TRPV3: variants seen among roughly 807,000 people sequenced by gnomAD.
The protein encoded by TRPV3 is transient receptor potential cation channel subfamily V member 3.
A neutral mutation model predicts 87.1 loss-of-function variants in TRPV3; 88 were observed. The ratio of observed to expected loss-of-function variants is 1.01; its 90% CI spans 0.85 to 1.21. TRPV3 has a LOEUF of 1.21. Among genes scored for constraint, TRPV3 ranks in the 50% most tolerant of loss-of-function variants. The pLI is 0.00. For missense variants in TRPV3, 1,054 were observed against 1,030.1 expected, an observed-to-expected ratio of 1.02 and a Z score of -0.32; for synonymous variants, 438 against 423.3, an observed-to-expected ratio of 1.03 and a Z score of -0.43.
intron 2 of TRPV3, chr17:3,546,677 C>T (rs1368995510): frequency 2.2e-6 from 1 of 455,638 alleles, no homozygotes; most frequent in African/African-American, 2.0e-5. Flanking sequence ...TAGCAAAGTC[C>T]AGATTCAAAG....
At chr17:3,544,544 G>A in intron 4 of TRPV3, 35 bp downstream of exon 4, 1 of 1,379,916 alleles carries the variant, frequency 7.2e-7, no homozygotes, top group Non-Finnish European at 1.0e-6. Flanking sequence ...CAGCCTGGGT[G>A]GGCACAGTGG....
Position 3,554,843 on chromosome 17 carries a change from G to T in TRPV3, c.8C>A (p.Ala3Asp). 1 of 1,609,074 alleles carries T rather than the reference G, an allele frequency of 6.2e-7. No individual in the cohort carries two copies. The change falls in exon 2 of 18, where the codon GCC becomes GAC. Residue 3 changes from alanine to aspartate, a missense_variant. Transcript: ENST00000576742. ...GAGAGGCACCATCTCCTTGGGGTGGGCTTTCATGGCTGGAATACAACCACA... is the reference window on the plus strand; with the variant it reads ...GAGAGGCACCATCTCCTTGGGGTGGTCTTTCATGGCTGGAATACAACCACA... MKAHPKEMVPLMG... is the reference protein window; with the variant it reads MKDHPKEMVPLMG...
chr17:3,543,141 C>T (rs905010383), intron 5 of TRPV3, among the ~76,000 whole-genome samples: 1 of 152,050 alleles, frequency 6.6e-6, no homozygotes, highest in Non-Finnish European at 1.5e-5. Context: ...GTCCCTCACT[C>T]CCCAGGTCCT....
Position 3,513,923 on chromosome 17 carries a change from C to G in TRPV3, c.2367G>C (p.Ser789=). ...CCAGCTCTGGGTTCCGCTTCTACAC[C>G]GAGGTTTCCGGGAATTCCTCGACTT... ...FEEVEEFPET[S]V Residue 789 remains serine, a synonymous_variant, in exon 18 of 18, where the codon TCG becomes TCC. Transcript: ENST00000576742. 6.2e-7 allele frequency: 1 copy of G among 1,614,026 alleles called. No homozygotes were observed. Among genetic ancestry groups the G allele is most frequent in the Non-Finnish European group, 8.5e-7 (1 of 1,179,912 alleles).
Position 3,544,510 on chromosome 17 carries a change from C to T in TRPV3, c.311+69G>A, listed in dbSNP as rs28571757. 3,074 of 1,003,652 alleles carry T rather than the reference C, an allele frequency of 3.1e-3. 68 individuals are homozygous for T. The African/African-American group carries it at 0.044, about 14-fold the overall frequency. The allele number at this position is 1,003,652 out of a possible 1,614,324, so 62.2% of individuals were successfully genotyped here. On this transcript the variant is annotated intron_variant, in intron 4 of 17. Coordinates refer to ENST00000576742, the MANE Select transcript of TRPV3 (RefSeq NM_145068.4). ...ATTCTTTCTCCTTCCTGCAGGGCCC[C>T]GGATCCTGTCTCTCTGGCACCCCCA...
chr17:3,542,310 A>G (rs569473776), intron 6 of TRPV3, among the ~76,000 whole-genome samples: 1 of 152,338 alleles, frequency 6.6e-6, no homozygotes, highest in East Asian at 1.9e-4. Context: ...CATGCCAAAA[A>G]CAATGCCTGG....
At position 3,554,805 on chromosome 17, in the gene TRPV3, C is replaced by T. The variant is rs2074611935; in HGVS notation, c.46G>A (p.Val16Ile). ...GCAGGGTTCCCACTGGGGGCAGCAA[C>T]TCTCTTGCCCATGAGAGGCACCATC... The part of the protein sequence containing the change: ...KEMVPLMGKR[V>I]AAPSGNPAIL... Residue 16 changes from valine (V) to isoleucine (I), a missense_variant, in exon 2 of 18, where the codon GTT becomes ATT. Physicochemically the swap from Val to Ile is conservative, Grantham distance 29. Transcript: ENST00000576742. 1.2e-6 allele frequency: 2 copies of T among 1,612,718 alleles called. No individual in the cohort carries two copies. The highest frequency in any genetic ancestry group is 1.7e-6 in the Non-Finnish European group (2 of 1,179,584).
chr17:3,529,007 A>T lies in TRPV3; in HGVS notation c.1243-12T>A, dbSNP rs1489535415. 4 of 1,614,084 alleles carry T rather than the reference A, an allele frequency of 2.5e-6. No individual in the cohort carries two copies. In the East Asian group the frequency reaches 8.9e-5, roughly 36 times the overall value. ...ATCTCATGCCGGTTCTAGGGGTAGA[A>T]TGCCACCAGTCACCATGGAGATGAG... is the stretch of plus-strand genomic sequence containing the variant. On this transcript the variant is annotated splice_polypyrimidine_tract_variant and intron_variant, in intron 9 of 17. Coordinates refer to ENST00000576742, the MANE Select transcript of TRPV3 (RefSeq NM_145068.4).
chr17:3,524,319 A>G lies in TRPV3; in HGVS notation c.1622T>C (p.Leu541Ser), dbSNP rs764913664. The change falls in exon 13 of 18, where the codon TTG becomes TCG. Residue 541 changes from leucine to serine, a missense_variant. Coordinates refer to ENST00000576742, the MANE Select transcript of TRPV3 (RefSeq NM_145068.4). ...VLVILSVFLY[L>S]FAYKEYLACL... is the part of the protein sequence containing the mutation. ...GGCGAGGTACTCTTTGTAGGCAAACAAGTACAAGAAGACAGACAGTATCAC... is the reference window on the plus strand; with the variant it reads ...GGCGAGGTACTCTTTGTAGGCAAACGAGTACAAGAAGACAGACAGTATCAC... 26 of 1,614,130 alleles carry G rather than the reference A, an allele frequency of 1.6e-5. No homozygotes were observed. The Admixed American group carries it at 4.3e-4, about 27-fold the overall frequency.
intron 12 of TRPV3, among the ~76,000 whole-genome samples, chr17:3,525,059 A>T (rs12940229): frequency 2.0e-5 from 3 of 152,176 alleles, no homozygotes; most frequent in Admixed American, 6.5e-5. Flanking sequence ...TTGCTCTGTC[A>T]CCTAGGCTGG....
rs184165766 is a variant in TRPV3 at position 3,552,525 on chromosome 17, G to A, written c.119+2207C>T. 6.1e-3 allele frequency: 924 copies of A among 152,382 alleles called. 8 individuals are homozygous for A. The highest frequency in any genetic ancestry group is 8.1e-3 in the Non-Finnish European group (550 of 68,102). The allele number at this position is 152,382 out of a possible 1,614,324, so 9.4% of individuals were successfully genotyped here. ...TTTATTCTTTTCTGTTTCTCTCTGG[G>A]CCCAAGTCCCCGACTCAGCTCTGAG... On this transcript the variant is annotated intron_variant, in intron 2 of 17. Coordinates refer to ENST00000576742, the MANE Select transcript of TRPV3 (RefSeq NM_145068.4).
In TRPV3 at chr17:3,530,144, C is replaced by T. The variant is rs1269168032; in HGVS notation, c.1125G>A (p.Arg375=). The T allele has an allele frequency of 3.1e-6, 5 of 1,613,972 alleles. No individual in the cohort carries two copies. The African/African-American group carries it at 6.7e-5, about 22-fold the overall frequency. ...IKEKRLRSLS[R]KFTDWAYGPV... ...GTCCGTACGCCCAGTCGGTGAACTT[C>T]CTGGACAGGCTCCGGAGCCGCTTCT... The change falls in exon 9 of 18, where the codon AGG becomes AGA. Residue 375 remains arginine (R), a synonymous_variant. Transcript: ENST00000576742. This position sits in a 1 kb window ranked among gnomAD's most constrained non-coding sequence, Gnocchi z 4.0.
chr17:3,515,430 G>A lies in TRPV3; in HGVS notation c.2199-758C>T, dbSNP rs545178279. Among the ~76,000 whole-genome samples, 12 of 152,248 alleles carry A rather than the reference G, an allele frequency of 7.9e-5. No individual in the cohort carries two copies. In the East Asian group the frequency reaches 2.3e-3, roughly 29 times the overall value. ...AATCCCAGCACTTTGGGAGGCCGAG[G>A]GGGGTGGATCACTTGAGGCCAGGAA... On this transcript the variant is annotated intron_variant, in intron 16 of 17. Transcript: ENST00000576742.
At chr17:3,546,457 C>A (rs1396806593) in intron 2 of TRPV3, among the ~76,000 whole-genome samples, 2 of 151,724 alleles carry the variant, frequency 1.3e-5, no homozygotes, top group South Asian at 2.1e-4. Context: ...ACAAACAAAC[C>A]AACAAAAACA....
In TRPV3 at chr17:3,557,092, A is replaced by G. The variant is rs1413900935; in HGVS notation, c.-3+584T>C. ...CTGGACTAGGGCCGCAGCAGCTATC[A>G]TTAGCTCCCTGAGTCACCCCGTAAA... On this transcript the variant is annotated intron_variant, in intron 1 of 17. Transcript: ENST00000576742. The surrounding 1 kb of genome is among the most constrained non-coding windows in gnomAD (Gnocchi z 4.5). Among the ~76,000 whole-genome samples, 4 of 152,006 alleles carry G rather than the reference A, an allele frequency of 2.6e-5. No individual in the cohort carries two copies. The highest frequency in any genetic ancestry group is 1.5e-5 in the Non-Finnish European group (1 of 67,986).
chr17:3,523,513 G>A (rs1257801741), intron 13 of TRPV3, among the ~76,000 whole-genome samples: 1 of 152,158 alleles, frequency 6.6e-6, no homozygotes, highest in African/African-American at 2.4e-5. Context: ...GAGGTCAGGA[G>A]TTCAAGACAA....
At chr17:3,552,026 G>A (rs2074580466) in intron 2 of TRPV3, among the ~76,000 whole-genome samples, 1 of 150,272 alleles carries the variant, frequency 6.7e-6, no homozygotes, top group South Asian at 2.1e-4. Flanking sequence ...GGGATTACAG[G>A]TGCCTACCAC....
chr17:3,529,875 G>T, intron 9 of TRPV3, 152 bp downstream of exon 9: 2 of 797,640 alleles, frequency 2.5e-6, no homozygotes, highest in Non-Finnish European at 3.7e-6. Context: ...CCTTTTCTGT[G>T]CCTGACTCTG....
chr17:3,545,302 C>T (rs777589834), intron 2 of TRPV3, 31 bp from the exon 3 acceptor site: 10 of 1,544,606 alleles, frequency 6.5e-6, no homozygotes, highest in Non-Finnish European at 7.1e-6. Flanking sequence ...CCTGTTAGGG[C>T]CGAGCCAGGC....
Sources: gnomAD v4.1 joint callset for allele counts (sites outside exome capture counted in the v4.1 genomes callset) on GRCh38, gnomAD v4.1.1 for gene constraint, Gnocchi (gnomAD v3.1) non-coding constraint, MANE v1.5 for transcripts, NCBI Gene and HGNC (gene_info 2026-07-23, HGNC 2026-07-21) for gene names.